The following RAB38 variants were observed in gnomAD, a reference collection of about 807,000 sequenced individuals.
RAB38 encodes the protein RAB38, member RAS oncogene family, also known as ras-related protein Rab-38.
A neutral mutation model predicts 18.4 loss-of-function variants in RAB38; 15 were observed. The ratio of observed to expected loss-of-function variants is 0.82; its 90% confidence interval spans 0.55 to 1.26. RAB38 has a LOEUF of 1.26. RAB38 is among the 50% of genes most tolerant of loss of function. RAB38 has a pLI of 0.00. For synonymous variants in RAB38, 101 were observed against 104.4 expected (o/e 0.97, Z 0.20); for missense variants, 294 against 267.4 (o/e 1.10, Z -0.69).
At chr11:87,837,164 T>C in the RAB38 span, among the ~76,000 whole-genome samples, 3 of 152,200 alleles carry the variant, frequency 2.0e-5, no homozygotes, top group Non-Finnish European at 2.9e-5. Context: ...GCCATTCTCT[T>C]TAAGATTTCC....
At chr11:88,169,784 T>C (rs1943286919) in intron 1 of RAB38, among the ~76,000 whole-genome samples, 1 of 152,198 alleles carries the variant, frequency 6.6e-6, no homozygotes, top group South Asian at 2.1e-4. Flanking sequence ...GTGGACAACA[T>C]CTCTGCACCA....
chr11:87,905,068 A>G, the RAB38 span, among the ~76,000 whole-genome samples: 1 of 151,412 alleles, frequency 6.6e-6, no homozygotes, highest in Non-Finnish European at 1.5e-5. Flanking sequence ...GAGTCTCTTC[A>G]TTTTTTTCCT....
chr11:88,023,238 CA>C, the RAB38 span, among the ~76,000 whole-genome samples: 1 of 151,638 alleles, frequency 6.6e-6, no homozygotes, highest in Non-Finnish European at 1.5e-5. Context: ...CATACAAAAT[CA>C]GTAATATTTC....
chr11:88,132,614 T>G (rs939564516), intron 2 of RAB38, among the ~76,000 whole-genome samples: 1 of 152,112 alleles, frequency 6.6e-6, no homozygotes, highest in African/African-American at 2.4e-5. Flanking sequence ...TGCGCCACCA[T>G]GCCCAGCTAA....
At chr11:88,029,296 C>T in the RAB38 span, among the ~76,000 whole-genome samples, 6,290 of 151,932 alleles carry the variant, frequency 0.041, 178 homozygotes, top group African/African-American at 0.076. Flanking sequence ...TAAAGACCAT[C>T]GAGACTAGGA....
In RAB38 at chr11:88,113,995, T is replaced by G. The variant is rs564662352; in HGVS notation, c.629A>C (p.Lys210Thr). 6.2e-7 allele frequency: 1 copy of G among 1,614,126 alleles called. No homozygotes were observed. The highest frequency in any genetic ancestry group is 1.1e-5 in the South Asian group (1 of 91,084). The change falls in exon 3 of 3, where the codon AAA (lysine) becomes ACA (threonine). Residue 210 changes from lysine to threonine, a missense_variant. Transcript: ENST00000243662. ...TKVASCSGCA[K>T]S ...CACCAGCAAAGGTGCCTACTAGGAT[T>G]TGGCACAGCCAGAGCAGCTGGCAAC...
chr11:87,886,824 G>GTTTTTTTTTTTTTTTTTTT, the RAB38 span, among the ~76,000 whole-genome samples: 1 of 139,024 alleles, frequency 7.2e-6, no homozygotes. Context: ...TGAAGCACTT[G>GTTTTTTTTTTTTTTTTTTT]TTTTTTTTTT....
downstream of RAB38, among the ~76,000 whole-genome samples, chr11:88,112,482 T>C (rs1223495084): frequency 1.3e-5 from 2 of 152,158 alleles, no homozygotes; most frequent in African/African-American, 4.8e-5. Flanking sequence ...TGTACCCACA[T>C]ATCTCATCCT....
At chr11:88,099,772 T>G in the RAB38 span, among the ~76,000 whole-genome samples, 2 of 151,844 alleles carry the variant, frequency 1.3e-5, no homozygotes, top group Non-Finnish European at 2.9e-5. Context: ...ATATGATTGT[T>G]ACAGAGCACA....
the RAB38 span, among the ~76,000 whole-genome samples, chr11:88,095,605 T>C: frequency 6.6e-6 from 1 of 151,958 alleles, no homozygotes; most frequent in Non-Finnish European, 1.5e-5. Context: ...ATATTTACTT[T>C]CTGCATTATC....
At chr11:88,047,859 C>T in the RAB38 span, among the ~76,000 whole-genome samples, 1 of 152,178 alleles carries the variant, frequency 6.6e-6, no homozygotes, top group Non-Finnish European at 1.5e-5. Context: ...AAACTTCCAC[C>T]TATCAATCTC....
At chr11:87,859,626 T>G in the RAB38 span, among the ~76,000 whole-genome samples, 1 of 152,032 alleles carries the variant, frequency 6.6e-6, no homozygotes, top group Non-Finnish European at 1.5e-5. Context: ...TGGTTGTGAT[T>G]GAGAGAAAAG....
the RAB38 span, among the ~76,000 whole-genome samples, chr11:88,053,034 TA>T: frequency 1.0e-5 from 1 of 95,924 alleles, no homozygotes; most frequent in Non-Finnish European, 2.1e-5. Flanking sequence ...GGAATATATA[TA>T]ATATATACAT....
At chr11:88,096,911 G>T in the RAB38 span, among the ~76,000 whole-genome samples, 1 of 151,168 alleles carries the variant, frequency 6.6e-6, no homozygotes, top group Non-Finnish European at 1.5e-5. Flanking sequence ...GGGCGAGGGG[G>T]GACTCTTTTT....
the RAB38 span, among the ~76,000 whole-genome samples, chr11:87,944,915 T>C: frequency 6.6e-6 from 1 of 152,152 alleles, no homozygotes; most frequent in South Asian, 2.1e-4. Context: ...GACAAATCAC[T>C]CACTTCTAAA....
the RAB38 span, among the ~76,000 whole-genome samples, chr11:87,911,715 T>C: frequency 2.0e-5 from 3 of 152,036 alleles, no homozygotes; most frequent in Non-Finnish European, 4.4e-5. Context: ...TATTTCTTTT[T>C]CTTGATTTGT....
chr11:87,934,152 C>T, the RAB38 span, among the ~76,000 whole-genome samples: 1 of 152,044 alleles, frequency 6.6e-6, no homozygotes, highest in Non-Finnish European at 1.5e-5. Flanking sequence ...TAGAGGTCTT[C>T]CAAGTTAAAC....
chr11:88,043,390 G>C, the RAB38 span, among the ~76,000 whole-genome samples: 2 of 152,100 alleles, frequency 1.3e-5, no homozygotes, highest in African/African-American at 4.8e-5. Context: ...AGGAGATAGG[G>C]AGGAAAATTA....
chr11:87,902,906 A>T, the RAB38 span, among the ~76,000 whole-genome samples: 1 of 150,740 alleles, frequency 6.6e-6, no homozygotes, highest in Non-Finnish European at 1.5e-5. Flanking sequence ...TATATATATA[A>T]TGCTTGTATC....
Sources: allele counts gnomAD v4.1 joint callset (sites outside exome capture counted in the v4.1 genomes callset), GRCh38; gene constraint gnomAD v4.1.1; transcripts MANE v1.5; gene names NCBI Gene and HGNC (gene_info 2026-07-23, HGNC 2026-07-21).